The following CSMD3 variants were observed in gnomAD, a reference collection of about 807,000 sequenced individuals.
CSMD3 encodes CUB and Sushi multiple domains 3.
A neutral mutation model predicts 435.2 loss-of-function variants in CSMD3; 177 were observed. That is an observed-to-expected ratio of 0.41 (90% CI 0.36 to 0.46). The LOEUF (loss-of-function observed/expected upper bound fraction) is 0.46, where lower values mean the gene tolerates loss of function less well. Among genes scored for constraint, CSMD3 ranks in the 20% least tolerant of loss-of-function variants. The pLI is 0.34. For synonymous variants in CSMD3, 1,656 were observed against 1,520.5 expected, an observed-to-expected ratio of 1.09 and a Z score of -2.07; for missense variants, 4,265 against 4,504.6, an observed-to-expected ratio of 0.95 and a Z score of 1.52.
chr8:113,187,835 T>C (rs2092530502), intron 3 of CSMD3, among the ~76,000 whole-genome samples: 1 of 151,956 alleles, frequency 6.6e-6, no homozygotes, highest in African/African-American at 2.4e-5. Context: ...ATTTCTCACC[T>C]GATGATCATG....
chr8:112,416,718 T>C (rs1465796480), intron 32 of CSMD3, among the ~76,000 whole-genome samples: 1 of 152,162 alleles, frequency 6.6e-6, no homozygotes, highest in African/African-American at 2.4e-5. Flanking sequence ...GAAAATTGAA[T>C]TTATGTAAAT....
chr8:113,355,204 A>T (rs72670776), intron 1 of CSMD3, among the ~76,000 whole-genome samples: 14,576 of 152,096 alleles, frequency 0.096, 904 homozygotes, highest in Middle Eastern at 0.17. Context: ...AATTCTATCT[A>T]TATTCCTAAT....
At chr8:112,952,228 T>C (rs1220658670) in intron 8 of CSMD3, among the ~76,000 whole-genome samples, 1 of 151,512 alleles carries the variant, frequency 6.6e-6, no homozygotes, top group Non-Finnish European at 1.5e-5. Context: ...TTCTTTAATC[T>C]CTTGTTAATT....
intron 31 of CSMD3, among the ~76,000 whole-genome samples, chr8:112,491,275 T>G (rs576328013): frequency 6.6e-6 from 1 of 152,194 alleles, no homozygotes; most frequent in Non-Finnish European, 1.5e-5. Flanking sequence ...AACACTTGAA[T>G]GCATGCAGGT....
In CSMD3 at chr8:112,677,674, A is replaced by G. The variant is rs534489670; in HGVS notation, c.2677+4768T>C. ...ATGATCATTTGGGGGAGAATGCACAATTCAAGATATGATGTTCCAGCTAGA... is the reference window on the plus strand; with the variant it reads ...ATGATCATTTGGGGGAGAATGCACAGTTCAAGATATGATGTTCCAGCTAGA... On this transcript the variant is annotated intron_variant, in intron 16 of 70. Coordinates refer to ENST00000297405, the MANE Select transcript of CSMD3 (RefSeq NM_198123.2). 6.0e-4 allele frequency among the ~76,000 whole-genome samples: 92 copies of G among 152,070 alleles called. 1 individual carries two copies. Among genetic ancestry groups the G allele is most frequent in the African/African-American group, 2.1e-3 (86 of 41,498 alleles).
intron 5 of CSMD3, among the ~76,000 whole-genome samples, chr8:113,033,360 C>T (rs974193028): frequency 4.6e-5 from 7 of 151,660 alleles, no homozygotes; most frequent in Admixed American, 3.3e-4. Context: ...CCTGGGAGCC[C>T]ACCCATTGCA....
At chr8:113,384,728 C>T (rs1414174466) in intron 1 of CSMD3, among the ~76,000 whole-genome samples, 2 of 152,108 alleles carry the variant, frequency 1.3e-5, no homozygotes, top group Non-Finnish European at 2.9e-5. Flanking sequence ...AGCTTCACTG[C>T]CAGTAAAAAC....
intron 1 of CSMD3, among the ~76,000 whole-genome samples, chr8:113,393,474 T>C (rs1551958): frequency 0.46 from 69,974 of 151,868 alleles, 16,471 homozygotes; most frequent in African/African-American, 0.53. Context: ...GAAGTCATGA[T>C]GAACATATTT....
At chr8:113,131,729 C>A (rs1004666245) in intron 4 of CSMD3, among the ~76,000 whole-genome samples, 13 of 152,266 alleles carry the variant, frequency 8.5e-5, no homozygotes, top group African/African-American at 3.1e-4. Context: ...GTCTTCCACA[C>A]CCTAAAACTG....
intron 45 of CSMD3, among the ~76,000 whole-genome samples, chr8:112,330,757 T>C (rs1429934599): frequency 2.0e-5 from 3 of 152,070 alleles, no homozygotes; most frequent in Admixed American, 6.6e-5. Flanking sequence ...GAAAATCACT[T>C]TGACTAAATT....
chr8:113,292,814 C>A (rs754560642), intron 2 of CSMD3, among the ~76,000 whole-genome samples: 12 of 151,022 alleles, frequency 7.9e-5, no homozygotes, highest in Non-Finnish European at 1.6e-4. Context: ...ACCTCAATTA[C>A]TTTTGCACCA....
chr8:113,135,286 A>C (rs988032840), intron 4 of CSMD3, among the ~76,000 whole-genome samples: 2 of 152,028 alleles, frequency 1.3e-5, no homozygotes, highest in African/African-American at 4.8e-5. Flanking sequence ...AATAAAATAA[A>C]TAAAAATTAT....
At chr8:113,407,227 A>G (rs1390676066) in intron 1 of CSMD3, among the ~76,000 whole-genome samples, 2 of 152,156 alleles carry the variant, frequency 1.3e-5, no homozygotes, top group African/African-American at 2.4e-5. Context: ...TCACAAAAGA[A>G]TTTGATGTTA....
chr8:113,227,206 T>G (rs922663324), intron 3 of CSMD3, among the ~76,000 whole-genome samples: 1 of 151,524 alleles, frequency 6.6e-6, no homozygotes. Flanking sequence ...ACAGAAGCCT[T>G]GTAGAGGAGA....
intron 3 of CSMD3, among the ~76,000 whole-genome samples, chr8:113,185,500 TTGAG>T (rs2092485432): frequency 6.6e-6 from 1 of 151,990 alleles, no homozygotes; most frequent in South Asian, 2.1e-4. Flanking sequence ...CCCACTCATG[TTGAG>T]TATTAGCACA....
intron 13 of CSMD3, among the ~76,000 whole-genome samples, chr8:112,709,026 G>T (rs377232899): frequency 1.8e-4 from 27 of 152,136 alleles, no homozygotes; most frequent in African/African-American, 6.5e-4. Flanking sequence ...GACAAGTGAT[G>T]GTGGCTGCCT....
rs139712175 is a variant in CSMD3, at chr8:112,289,533, C to T, written c.8980G>A (p.Asp2994Asn). The T allele has an allele frequency of 1.0e-5, 16 of 1,602,968 alleles. No homozygotes were observed. The highest frequency in any genetic ancestry group is 1.4e-5 in the Non-Finnish European group (16 of 1,171,610). ...DKPLPECIMI[D>N]CGHPGVPPNA... ...GGAGGAACGCCAGGGTGTCCACAGTCAATCACTACAATACATAATTATTAA... is the reference window on the plus strand; with the variant it reads ...GGAGGAACGCCAGGGTGTCCACAGTTAATCACTACAATACATAATTATTAA... Residue 2994 changes from aspartate (D) to asparagine (N), a missense_variant, in exon 57 of 71, where the codon GAC (aspartate) becomes AAC (asparagine). Physicochemically the swap from Asp to Asn is conservative, Grantham distance 23. This residue lies in a region of CSMD3 where 3,255 missense variants were observed against 3,380.2 expected (regional missense o/e 0.96). Coordinates refer to ENST00000297405, the MANE Select transcript of CSMD3 (RefSeq NM_198123.2).
chr8:112,792,862 T>C (rs573198870), intron 13 of CSMD3, among the ~76,000 whole-genome samples: 1 of 152,154 alleles, frequency 6.6e-6, no homozygotes, highest in Admixed American at 6.5e-5. Flanking sequence ...TGGGTCTATT[T>C]CTGAACTATT....
At chr8:112,440,693 T>G (rs1271066965) in intron 32 of CSMD3, among the ~76,000 whole-genome samples, 4 of 152,216 alleles carry the variant, frequency 2.6e-5, no homozygotes, top group Non-Finnish European at 5.9e-5. Flanking sequence ...TCTTGATTTT[T>G]GTGTACCCAC....
Sources: gnomAD v4.1 joint callset for allele counts (sites outside exome capture counted in the v4.1 genomes callset) on GRCh38, gnomAD v4.1.1 for gene constraint, gnomAD v4.1.1 regional missense constraint, MANE v1.5 for transcripts, NCBI Gene and HGNC (gene_info 2026-07-23, HGNC 2026-07-21) for gene names.